EHBP1: variants seen among roughly 807,000 people sequenced by gnomAD.
EHBP1 encodes the protein EH domain-binding protein 1.
Under a neutral mutation model 144.0 loss-of-function variants are expected in EHBP1, and 55 were observed. The observed-to-expected ratio is 0.38, with a 90% CI of 0.31 to 0.48. The LOEUF (loss-of-function observed/expected upper bound fraction) is 0.48. Among genes scored for constraint, EHBP1 ranks in the 20% least tolerant of loss-of-function variants. The probability of loss-of-function intolerance (pLI) is 0.98; values close to 1 mark genes in which losing one functional copy is unlikely to be tolerated. For missense variants in EHBP1, 1,200 were observed against 1,364.2 expected, an observed-to-expected ratio of 0.88 and a Z score of 1.90; for synonymous variants, 469 against 472.7, an observed-to-expected ratio of 0.99 and a Z score of 0.10.
chr2:63,017,509 G>A (rs2060533665), intron 19 of EHBP1, among the ~76,000 whole-genome samples: 1 of 152,196 alleles, frequency 6.6e-6, no homozygotes, highest in African/African-American at 2.4e-5. Flanking sequence ...TTTATATCAA[G>A]CATTTGCAAC....
intron 5 of EHBP1, 29 bp from the exon 6 acceptor site, chr2:62,826,058 A>G (rs369735854): frequency 7.0e-7 from 1 of 1,426,374 alleles, no homozygotes; most frequent in African/African-American, 1.5e-5. Flanking sequence ...ACTCAAAATT[A>G]CATACTTTTT....
intron 18 of EHBP1, 178 bp downstream of exon 18, chr2:62,994,155 T>C: frequency 2.6e-6 from 1 of 389,638 alleles, no homozygotes; most frequent in Non-Finnish European, 4.7e-6. Flanking sequence ...GTGATAATTG[T>C]CAGATAAAAA....
At chr2:62,757,910 G>T (rs773798946) in intron 3 of EHBP1, among the ~76,000 whole-genome samples, 4 of 151,924 alleles carry the variant, frequency 2.6e-5, no homozygotes, top group African/African-American at 7.3e-5. Context: ...TACTCGGGAG[G>T]TTGAGGCAGG....
intron 4 of EHBP1, among the ~76,000 whole-genome samples, chr2:62,766,489 A>G (rs2041199773): frequency 6.6e-6 from 1 of 152,198 alleles, no homozygotes; most frequent in South Asian, 2.1e-4. Context: ...TGTATGCTCA[A>G]TCTTAGAGTG....
chr2:62,924,821 A>T (rs1241923440), intron 10 of EHBP1, among the ~76,000 whole-genome samples: 1 of 152,256 alleles, frequency 6.6e-6, no homozygotes, highest in East Asian at 1.9e-4. Context: ...AAAGAATGGA[A>T]GCAAAGGGAA....
At chr2:62,863,233 C>T (rs1420232773) in intron 8 of EHBP1, among the ~76,000 whole-genome samples, 1 of 151,716 alleles carries the variant, frequency 6.6e-6, no homozygotes, top group South Asian at 2.1e-4. Context: ...TGCAGTGAGC[C>T]GAGATTGCAC....
At chr2:62,759,043 G>T (rs989318979) in intron 3 of EHBP1, among the ~76,000 whole-genome samples, 2 of 152,070 alleles carry the variant, frequency 1.3e-5, no homozygotes, top group Non-Finnish European at 1.5e-5. Context: ...ACGTTTTTTA[G>T]GTAAGAATAT....
At chr2:62,883,015 C>T (rs1185249630) in intron 10 of EHBP1, among the ~76,000 whole-genome samples, 1 of 152,070 alleles carries the variant, frequency 6.6e-6, no homozygotes, top group East Asian at 1.9e-4. Flanking sequence ...TATACATATA[C>T]ACACACACAT....
chr2:62,816,707 C>A (rs139957313), intron 5 of EHBP1, among the ~76,000 whole-genome samples: 1 of 152,134 alleles, frequency 6.6e-6, no homozygotes, highest in Admixed American at 6.6e-5. Context: ...TAGTTTAAGA[C>A]GTGGCTCTAT....
At chr2:62,872,336 CAAGATAAAAATAAT>C (rs1464316370) in intron 9 of EHBP1, among the ~76,000 whole-genome samples, 2 of 151,858 alleles carry the variant, frequency 1.3e-5, no homozygotes, top group East Asian at 3.9e-4. Flanking sequence ...TATACAATAC[CAAGATAAAAATAAT>C]TGTCTTTTAG....
At chr2:62,828,774 T>A (rs1445112867) in intron 6 of EHBP1, among the ~76,000 whole-genome samples, 1 of 152,244 alleles carries the variant, frequency 6.6e-6, no homozygotes, top group Non-Finnish European at 1.5e-5. Flanking sequence ...ACTGTCTCAC[T>A]GTTTTTGAAA....
chr2:62,986,683 T>G (rs1376169863), intron 15 of EHBP1, among the ~76,000 whole-genome samples: 2 of 152,044 alleles, frequency 1.3e-5, no homozygotes, highest in Non-Finnish European at 2.9e-5. Context: ...GTGATCCACC[T>G]GCCTCAGCCT....
intron 14 of EHBP1, among the ~76,000 whole-genome samples, chr2:62,963,145 T>A (rs544711960): frequency 6.6e-6 from 1 of 152,318 alleles, no homozygotes; most frequent in South Asian, 2.1e-4. Context: ...AACCACACAG[T>A]GACTTTTTTT....
At chr2:62,677,318 C>T (rs1044453801) in intron 1 of EHBP1, among the ~76,000 whole-genome samples, 11 of 152,132 alleles carry the variant, frequency 7.2e-5, no homozygotes, top group Non-Finnish European at 1.3e-4. Context: ...TGCCATTTCC[C>T]CCCCAAGCAT....
intron 7 of EHBP1, among the ~76,000 whole-genome samples, chr2:62,855,207 T>C (rs1340569235): frequency 6.6e-6 from 1 of 152,152 alleles, no homozygotes; most frequent in African/African-American, 2.4e-5. Context: ...TGGCACCTGC[T>C]CCAATCTTGG....
chr2:62,996,151 T>C (rs1035424523), intron 18 of EHBP1, among the ~76,000 whole-genome samples: 1 of 152,134 alleles, frequency 6.6e-6, no homozygotes, highest in Non-Finnish European at 1.5e-5. Flanking sequence ...TGAAAAAAAA[T>C]GTATCTCTTT....
intron 5 of EHBP1, among the ~76,000 whole-genome samples, chr2:62,803,410 T>G (rs1424902286): frequency 1.3e-5 from 2 of 152,226 alleles, no homozygotes; most frequent in African/African-American, 4.8e-5. Flanking sequence ...CAACAGTGAT[T>G]GAAATGCCTG....
intron 2 of EHBP1, among the ~76,000 whole-genome samples, chr2:62,722,933 G>T (rs891403437): frequency 6.6e-6 from 1 of 152,180 alleles, no homozygotes; most frequent in African/African-American, 2.4e-5. Flanking sequence ...CAATTATGTG[G>T]TTGATTTTAG....
At chr2:62,799,772 C>T (rs1210165473) in intron 5 of EHBP1, among the ~76,000 whole-genome samples, 1 of 152,118 alleles carries the variant, frequency 6.6e-6, no homozygotes. Flanking sequence ...AGTACAAAAG[C>T]AAGTATGGCA....
Sources: gnomAD v4.1 joint callset for allele counts (sites outside exome capture counted in the v4.1 genomes callset) on GRCh38, gnomAD v4.1.1 for gene constraint, MANE v1.5 for transcripts, NCBI Gene and HGNC (gene_info 2026-07-23, HGNC 2026-07-21) for gene names.